The following VOPP1 variants were observed in gnomAD, a reference collection of about 807,000 sequenced individuals.
VOPP1 encodes WW domain binding protein VOPP1.
A neutral mutation model predicts 23.5 loss-of-function variants in VOPP1; 8 were observed. The observed-to-expected ratio is 0.34, with a 90% CI of 0.20 to 0.61. VOPP1 has a LOEUF of 0.61. Ranked by LOEUF, VOPP1 falls within the 20% of genes least tolerant of loss-of-function variation. VOPP1 has a pLI of 0.78. For missense variants in VOPP1, 174 were observed against 238.1 expected (o/e 0.73, Z 1.77); for synonymous variants, 83 against 97.3 (o/e 0.85, Z 0.86).
intron 2 of VOPP1, among the ~76,000 whole-genome samples, chr7:55,506,417 C>A (rs1794726366): frequency 6.6e-6 from 1 of 152,176 alleles, no homozygotes; most frequent in Non-Finnish European, 1.5e-5. Flanking sequence ...CTCACTGCAA[C>A]CTCCACCTCT....
chr7:55,495,154 A>G (rs986586170), intron 3 of VOPP1, among the ~76,000 whole-genome samples: 20 of 151,554 alleles, frequency 1.3e-4, no homozygotes, highest in African/African-American at 4.9e-4. Context: ...TCCGCATGGG[A>G]CCCTGCTGTG....
At chr7:55,459,767 TAGTC>T (rs1791453026) in intron 4 of VOPP1, among the ~76,000 whole-genome samples, 1 of 152,162 alleles carries the variant, frequency 6.6e-6, no homozygotes, top group Non-Finnish European at 1.5e-5. Context: ...TTTTCATGGT[TAGTC>T]TAGCTAGGAG....
downstream of VOPP1, among the ~76,000 whole-genome samples, chr7:55,435,834 C>T (rs1252315311): frequency 6.6e-6 from 1 of 152,240 alleles, no homozygotes; most frequent in Non-Finnish European, 1.5e-5. Flanking sequence ...AGCATCCACA[C>T]TGTGCCAGGC....
At chr7:55,460,221 T>G (rs977805256) in intron 4 of VOPP1, among the ~76,000 whole-genome samples, 1 of 152,232 alleles carries the variant, frequency 6.6e-6, no homozygotes, top group African/African-American at 2.4e-5. Context: ...CATTGTAGTT[T>G]AAAAAGATGC....
intron 4 of VOPP1, among the ~76,000 whole-genome samples, chr7:55,442,120 C>T (rs1407447040): frequency 6.6e-6 from 1 of 152,056 alleles, no homozygotes; most frequent in African/African-American, 2.4e-5. Context: ...CCTGTTTGGC[C>T]CTATTATAAG....
chr7:55,463,120 G>T (rs558041894), intron 4 of VOPP1, among the ~76,000 whole-genome samples: 2 of 152,234 alleles, frequency 1.3e-5, no homozygotes, highest in Non-Finnish European at 2.9e-5. Context: ...AATTTGTTGA[G>T]ATTTATTTTG....
In VOPP1 at chr7:55,473,064, T is replaced by C. The variant is rs750824835; in HGVS notation, c.329-19A>G. The C allele has an allele frequency of 1.9e-6, 3 of 1,591,690 alleles. No individual in the cohort carries two copies. Among genetic ancestry groups the C allele is most frequent in the East Asian group, 2.3e-5 (1 of 42,848 alleles). On this transcript the variant is annotated intron_variant, in intron 4 of 4. Coordinates refer to ENST00000285279, the MANE Select transcript of VOPP1 (RefSeq NM_030796.5). ...TGGGCTCCTGAAAGACAGACAAACA[T>C]AGGTGAGCACAGAAGGGAAAGCCCC...
At chr7:55,446,236 G>A (rs1054705954) in intron 4 of VOPP1, among the ~76,000 whole-genome samples, 2 of 152,186 alleles carry the variant, frequency 1.3e-5, no homozygotes, top group East Asian at 1.9e-4. Flanking sequence ...CTCGTGATCT[G>A]CCCACCTCGG....
chr7:55,517,327 T>G (rs1479888648), intron 2 of VOPP1, among the ~76,000 whole-genome samples: 1 of 151,994 alleles, frequency 6.6e-6, no homozygotes, highest in Non-Finnish European at 1.5e-5. Context: ...ATACCACTGC[T>G]GCATGAGGCA....
At chr7:55,497,554 T>TGGG in intron 3 of VOPP1, 59 bp downstream of exon 3, 3 of 973,964 alleles carry the variant, frequency 3.1e-6, no homozygotes, top group South Asian at 1.7e-5. Context: ...ACAACACTGA[T>TGGG]GGGGGGGGGG....
intron 1 of VOPP1, chr7:55,521,903 T>C: frequency 4.1e-6 from 4 of 985,736 alleles, no homozygotes; most frequent in Non-Finnish European, 4.8e-6. Flanking sequence ...AACAAGGCTT[T>C]TCTAAAATTA....
At chr7:55,519,669 T>C (rs1795709354) in intron 2 of VOPP1, among the ~76,000 whole-genome samples, 1 of 152,248 alleles carries the variant, frequency 6.6e-6, no homozygotes, top group Non-Finnish European at 1.5e-5. Flanking sequence ...GGGGTCTGTC[T>C]TTCTGCAGCT....
Position 55,535,825 on chromosome 7 carries a change from G to A in VOPP1, c.55-14695C>T, listed in dbSNP as rs993752502. On this transcript the variant is annotated intron_variant, in intron 1 of 4. Transcript: ENST00000285279. ...AGCAGACATGCTCAGCACTGTGTCT[G>A]CCATCCCAGGATGCAGTTGGGGCAC... 2.0e-5 allele frequency among the ~76,000 whole-genome samples: 3 copies of A among 152,212 alleles called. No individual in the cohort carries two copies. The East Asian group carries it at 5.8e-4, about 29-fold the overall frequency.
At chr7:55,499,664 T>C (rs1413437506) in intron 2 of VOPP1, among the ~76,000 whole-genome samples, 1 of 152,274 alleles carries the variant, frequency 6.6e-6, no homozygotes, top group East Asian at 1.9e-4. Flanking sequence ...AGGGAGGACA[T>C]GTGCAGGAGG....
rs1021442264 is a variant in VOPP1 at position 55,442,988 on chromosome 7, A to G, written n.418-6814T>C. On this transcript the variant is annotated intron_variant and non_coding_transcript_variant, in intron 4 of 4. Transcript: ENST00000462326. ...CAAAAAATTAGCCAGGCGTGGTGGC[A>G]GGCGCCTGTAGTCCCAGCTACTCAG... 9.2e-5 allele frequency among the ~76,000 whole-genome samples: 14 copies of G among 151,376 alleles called. No individual in the cohort carries two copies. In the East Asian group the frequency reaches 2.4e-3, roughly 26 times the overall value.
At chr7:55,462,041 C>A (rs1429099561) in intron 4 of VOPP1, among the ~76,000 whole-genome samples, 1 of 152,140 alleles carries the variant, frequency 6.6e-6, no homozygotes, top group South Asian at 2.1e-4. Context: ...GATGAATGCC[C>A]TCAGTTTTTG....
intron 1 of VOPP1, among the ~76,000 whole-genome samples, chr7:55,525,372 C>T (rs1056727042): frequency 2.0e-5 from 3 of 151,784 alleles, no homozygotes; most frequent in African/African-American, 7.3e-5. Context: ...GCCTGTAGTC[C>T]CAGCTACTCA....
intron 1 of VOPP1, among the ~76,000 whole-genome samples, chr7:55,548,992 C>T (rs539476250): frequency 5.3e-5 from 8 of 152,212 alleles, no homozygotes; most frequent in African/African-American, 1.9e-4. Flanking sequence ...TCTGGAGGCA[C>T]GGGGCCTGAG....
intron 4 of VOPP1, among the ~76,000 whole-genome samples, chr7:55,453,952 TAAAATATTTTGAACATAAGA>T (rs1299165394): frequency 2.6e-5 from 4 of 152,222 alleles, no homozygotes; most frequent in Non-Finnish European, 5.9e-5. Context: ...TAACTTATTA[TAAAATATTTTGAACATAAGA>T]AGTAGAGAAA....
Sources: gnomAD v4.1 joint callset for allele counts (sites outside exome capture counted in the v4.1 genomes callset) on GRCh38, gnomAD v4.1.1 for gene constraint, MANE v1.5 for transcripts, NCBI Gene and HGNC (gene_info 2026-07-23, HGNC 2026-07-21) for gene names.